IPO9: variants seen among roughly 807,000 people sequenced by gnomAD.
The protein encoded by IPO9 is importin 9.
IPO9 carries 28 observed loss-of-function variants against 128.6 expected under a neutral mutation model. That is an observed-to-expected ratio of 0.22 (90% CI 0.16 to 0.30). The LOEUF (loss-of-function observed/expected upper bound fraction) is 0.30, where lower values mean the gene tolerates loss of function less well. Among genes scored for constraint, IPO9 ranks in the 10% least tolerant of loss-of-function variants. The probability of loss-of-function intolerance (pLI) is 1.00; values close to 1 mark genes in which losing one functional copy is unlikely to be tolerated. For missense variants in IPO9, 935 were observed against 1,293.9 expected (o/e 0.72, Z 4.26); for synonymous variants, 455 against 475.8 (o/e 0.96, Z 0.57).
chr1:201,866,602 A>G, intron 14 of IPO9, 131 bp from the exon 15 acceptor site: 1 of 641,802 alleles, frequency 1.6e-6, no homozygotes, highest in Non-Finnish European at 2.7e-6. Flanking sequence ...AGAAAGAAGT[A>G]GAAACTTAAA....
chr1:201,849,862 T>C (rs573048946), intron 4 of IPO9, among the ~76,000 whole-genome samples: 2 of 152,320 alleles, frequency 1.3e-5, no homozygotes, highest in African/African-American at 2.4e-5. Context: ...TTATTGCCCT[T>C]TCTTCTGCTT....
chr1:201,872,965 G>A lies in IPO9; in HGVS notation c.2710+4G>A, dbSNP rs1451266779. The A allele has an allele frequency of 6.2e-7, 1 of 1,609,296 alleles. No individual in the cohort carries two copies. The highest frequency in any genetic ancestry group is 8.5e-7 in the Non-Finnish European group (1 of 1,177,716). ...ACCCGCTCTAAGTCAGCCAAAAGTGGGTGCTGCTGCGATTCTTCCAATCCT... is the reference window on the plus strand; with the variant it reads ...ACCCGCTCTAAGTCAGCCAAAAGTGAGTGCTGCTGCGATTCTTCCAATCCT... On this transcript the variant is annotated splice_donor_region_variant and intron_variant, in intron 20 of 23. Transcript: ENST00000361565.
At chr1:201,863,827 C>T (rs994379885) in intron 14 of IPO9, among the ~76,000 whole-genome samples, 5 of 152,152 alleles carry the variant, frequency 3.3e-5, no homozygotes, top group African/African-American at 1.2e-4. Context: ...TCTTTAAATT[C>T]GCTCCAGTTC....
At chr1:201,865,224 T>C (rs1421175986) in intron 14 of IPO9, among the ~76,000 whole-genome samples, 1 of 147,850 alleles carries the variant, frequency 6.8e-6, no homozygotes, top group East Asian at 2.0e-4. Context: ...TTTTCTTTTC[T>C]GAGACGGAGT....
Position 201,869,291 on chromosome 1 carries a change from G to A in IPO9, c.2005-299G>A, listed in dbSNP as rs150149901. 2.0e-5 allele frequency among the ~76,000 whole-genome samples: 3 copies of A among 152,182 alleles called. No homozygotes were observed. In the East Asian group the frequency reaches 5.8e-4, roughly 29 times the overall value. On this transcript the variant is annotated intron_variant, in intron 16 of 23. Coordinates refer to ENST00000361565, the MANE Select transcript of IPO9 (RefSeq NM_018085.5). ...GAAAATGGCTCTTCTTGTTCCAGAG[G>A]TACCCTCAGTGAATTGAACAGAGTG...
chr1:201,876,032 T>C lies in IPO9; in HGVS notation c.3104T>C (p.Val1035Ala). The change falls in exon 24 of 24, where the codon GTT becomes GCT. Residue 1035 changes from valine to alanine, a missense_variant. By Grantham distance (64) the Val-to-Ala change is moderately conservative (BLOSUM62 0). Around this residue, in one of 3 missense-constraint regions of IPO9, gnomAD observed 188 missense variants for 246.7 expected, o/e 0.76. Coordinates refer to ENST00000361565, the MANE Select transcript of IPO9 (RefSeq NM_018085.5). ...SGHLNDNERR[V>A]LQTIGI ...CACCTTAATGACAATGAGAGGCGAG[T>C]TCTACAGACCATCGGCATCTAAAAA... 2 of 1,612,146 alleles carry C rather than the reference T, an allele frequency of 1.2e-6. No individual in the cohort carries two copies. The highest frequency in any genetic ancestry group is 1.7e-6 in the Non-Finnish European group (2 of 1,178,366).
intron 9 of IPO9, 27 bp downstream of exon 9, chr1:201,855,209 A>G: frequency 5.5e-6 from 8 of 1,453,718 alleles, no homozygotes; most frequent in Non-Finnish European, 7.7e-6. Context: ...ATCTTTATAG[A>G]AATACCAGTT....
Position 201,880,984 on chromosome 1 carries a change from CTT to C in IPO9, c.*4931_*4932del, listed in dbSNP as rs1680873277. On this transcript the variant is annotated 3_prime_UTR_variant, in exon 24 of 24. Transcript: ENST00000361565. ...CTAGGTGTATTAAATGCATTTTTCA[CTT>C]AACGGTATTTTCAACTTTTGTTGGG... 6.6e-6 allele frequency: 1 copy of C among 152,190 alleles called. No homozygotes were observed. The highest frequency in any genetic ancestry group is 2.4e-5 in the African/African-American group (1 of 41,430). The allele number at this position is 152,190 out of a possible 1,614,324, so 9.4% of individuals were successfully genotyped here.
intron 1 of IPO9, among the ~76,000 whole-genome samples, chr1:201,842,334 G>A (rs899266381): frequency 6.6e-6 from 1 of 152,186 alleles, no homozygotes; most frequent in African/African-American, 2.4e-5. Flanking sequence ...GAATGCAGAA[G>A]TGTGTTCTTT....
rs527681824 is a variant in IPO9, at chr1:201,879,469, A to G, written c.*3415A>G. On this transcript the variant is annotated 3_prime_UTR_variant, in exon 24 of 24. Coordinates refer to ENST00000361565, the MANE Select transcript of IPO9 (RefSeq NM_018085.5). Reference sequence around the variant, plus strand: ...ATATTAGTGACAGATGACTTTTTTTATGCCTTACCCATTCCACAAAAGAAT... The same window carrying G: ...ATATTAGTGACAGATGACTTTTTTTGTGCCTTACCCATTCCACAAAAGAAT... 6.6e-6 allele frequency: 1 copy of G among 152,286 alleles called. No homozygotes were observed. The highest frequency in any genetic ancestry group is 2.4e-5 in the African/African-American group (1 of 41,582). 9.4% of individuals were successfully genotyped at this position (152,286 alleles called of 1,614,324 possible). A position where few individuals can be genotyped will look rare whatever the true frequency, so the allele number is the denominator to read the frequency against.
rs1408861176 is a variant in IPO9, at chr1:201,868,506, C to A, written c.1856-142C>A. 20 of 750,426 alleles carry A rather than the reference C, an allele frequency of 2.7e-5. No homozygotes were observed. In the Middle Eastern group the frequency reaches 1.2e-3, roughly 45 times the overall value. The allele number at this position is 750,426 out of a possible 1,614,324, so 46.5% of individuals were successfully genotyped here. A position where few individuals can be genotyped will look rare whatever the true frequency, so the allele number is the denominator to read the frequency against. On this transcript the variant is annotated intron_variant, in intron 15 of 23. Coordinates refer to ENST00000361565, the MANE Select transcript of IPO9 (RefSeq NM_018085.5). ...CTGTTCTTTCAGGTTATTCATGTGG[C>A]CCCACTAGGTCCCGGGTATGTGATA...
In IPO9 at chr1:201,881,174, G is replaced by A. The variant is rs1362243483; in HGVS notation, c.*5120G>A. On this transcript the variant is annotated 3_prime_UTR_variant, in exon 24 of 24. Coordinates refer to ENST00000361565, the MANE Select transcript of IPO9 (RefSeq NM_018085.5). ...GAGGAAGTCGGGTAAGTTGCATGGA[G>A]AAGGCAACCCTTGAACACTTGCAAG... is the stretch of plus-strand genomic sequence containing the variant. 1.3e-5 allele frequency: 2 copies of A among 152,232 alleles called. No individual in the cohort carries two copies. Among genetic ancestry groups the A allele is most frequent in the Non-Finnish European group, 2.9e-5 (2 of 68,046 alleles). 9.4% of individuals were successfully genotyped at this position (152,232 alleles called of 1,614,324 possible).
intron 1 of IPO9, among the ~76,000 whole-genome samples, chr1:201,846,521 G>A (rs900262657): frequency 3.3e-5 from 5 of 151,822 alleles, no homozygotes; most frequent in African/African-American, 9.7e-5. Context: ...ACAGGTGCCC[G>A]CTACCATGCC....
At position 201,871,376 on chromosome 1, in the gene IPO9, C is replaced by CTTTTT. The variant is rs556986429; in HGVS notation, c.2576+75_2576+79dup. The stretch of plus-strand genomic sequence containing the variant: ...GGGCATTCTGCCACCACTCATATTT[C>CTTTTT]TTTTTTTTTTTTTTTTTTTTTTTTT... On this transcript the variant is annotated intron_variant, in intron 19 of 23. Transcript: ENST00000361565. 132 of 149,286 alleles carry CTTTTT rather than the reference C, an allele frequency of 8.8e-4. 4 individuals are homozygous for CTTTTT. The highest frequency in any genetic ancestry group is 2.5e-3 in the African/African-American group (38 of 14,952). The allele number at this position is 149,286 out of a possible 1,614,324, so 9.2% of individuals were successfully genotyped here. A position where few individuals can be genotyped will look rare whatever the true frequency, so the allele number is the denominator to read the frequency against.
intron 1 of IPO9, among the ~76,000 whole-genome samples, chr1:201,831,965 G>C (rs1679842801): frequency 6.6e-6 from 1 of 151,948 alleles, no homozygotes; most frequent in Admixed American, 6.6e-5. Flanking sequence ...GCAGTGGTGC[G>C]ATCTCGGCTC....
rs569913442 is a variant in IPO9 at position 201,881,004 on chromosome 1, T to C, written c.*4950T>C. ...TTTCACTTAACGGTATTTTCAACTT[T>C]TGTTGGGTTTATTGGGATGTAGCCC... On this transcript the variant is annotated 3_prime_UTR_variant, in exon 24 of 24. Coordinates refer to ENST00000361565, the MANE Select transcript of IPO9 (RefSeq NM_018085.5). 3 of 152,310 alleles carry C rather than the reference T, an allele frequency of 2.0e-5. No homozygotes were observed. Among genetic ancestry groups the C allele is most frequent in the African/African-American group, 7.2e-5 (3 of 41,576 alleles). 9.4% of individuals were successfully genotyped at this position (152,310 alleles called of 1,614,324 possible).
At chr1:201,850,182 G>A (rs1395341595) in intron 4 of IPO9, among the ~76,000 whole-genome samples, 1 of 152,216 alleles carries the variant, frequency 6.6e-6, no homozygotes, top group Non-Finnish European at 1.5e-5. Flanking sequence ...ACTGTTGGGG[G>A]AAATTTGTCT....
chr1:201,871,192 A>G lies in IPO9; in HGVS notation c.2441A>G (p.His814Arg). The G allele has an allele frequency of 6.2e-7, 1 of 1,613,810 alleles. No individual in the cohort carries two copies. The change falls in exon 19 of 24, where the codon CAC becomes CGC. Residue 814 changes from histidine to arginine, a missense_variant. His to Arg is a conservative substitution (Grantham distance 29, BLOSUM62 0). Transcript: ENST00000361565. The part of the protein sequence containing the change: ...SLIMVFAHLV[H>R]TQLEPLLEFL... ...ATCATGGTGTTCGCTCATCTGGTGC[A>G]CACTCAGCTAGAACCTCTCTTGGAG...
intron 1 of IPO9, among the ~76,000 whole-genome samples, chr1:201,843,689 G>T (rs765812960): frequency 1.3e-5 from 2 of 152,074 alleles, no homozygotes; most frequent in African/African-American, 2.4e-5. Flanking sequence ...TTAGCTGGGC[G>T]TGGTGGTACA....
Sources: allele counts gnomAD v4.1 joint callset (sites outside exome capture counted in the v4.1 genomes callset), GRCh38; gene constraint gnomAD v4.1.1; regional missense constraint gnomAD v4.1.1; transcripts MANE v1.5; gene names NCBI Gene and HGNC (gene_info 2026-07-23, HGNC 2026-07-21).